Variants in NBAS observed in about 807,000 individuals in gnomAD.
The protein encoded by NBAS is NAG/BC035112 fusion.
In NBAS, 219 loss-of-function variants were observed where a neutral mutation model predicts 302.5. That is an observed-to-expected ratio of 0.72 (90% CI 0.65 to 0.81). NBAS has a LOEUF of 0.81. NBAS is among the 30% of genes least tolerant of loss of function. The pLI, the probability that NBAS is intolerant of heterozygous loss-of-function variation, is 0.00. For missense variants in NBAS, 2,932 were observed against 2,841.6 expected (o/e 1.03, Z -0.72); for synonymous variants, 1,118 against 1,021.6 (o/e 1.09, Z -1.80).
Position 15,468,380 on chromosome 2 carries a change from A to G in NBAS, c.1877+2T>C, listed in dbSNP as rs1454879222. ...TTGAATCCAATTCTTTCTGTAACCA[A>G]CCTGCCATCATCTGCTCCTTTCCCT... On this transcript the variant is annotated splice_donor_variant, in intron 17 of 51. Transcript: ENST00000281513. LOFTEE classifies it high-confidence loss of function. The G allele has an allele frequency of 2.5e-6, 4 of 1,613,960 alleles. No individual in the cohort carries two copies. Among genetic ancestry groups the G allele is most frequent in the Admixed American group, 1.7e-5 (1 of 59,994 alleles).
rs117415191 is a variant in NBAS, at chr2:15,174,632, T to G, written c.6840+4356A>C. ...AGAGCTAATATTATATGCCTCAAGG[T>G]GCTTTCAACAACTTCATTCCTCTGT... On this transcript the variant is annotated intron_variant, in intron 51 of 51. Transcript: ENST00000281513. 2.8e-3 allele frequency among the ~76,000 whole-genome samples: 430 copies of G among 152,302 alleles called. 8 individuals carry two copies. The East Asian group carries it at 0.049, about 17-fold the overall frequency.
At chr2:15,220,156 G>A (rs1430580893) in intron 47 of NBAS, among the ~76,000 whole-genome samples, 2 of 141,416 alleles carry the variant, frequency 1.4e-5, no homozygotes, top group South Asian at 2.3e-4. Flanking sequence ...CCTCCCGGAC[G>A]GGGCGGCTGG....
intron 48 of NBAS, among the ~76,000 whole-genome samples, chr2:15,196,622 T>TA (rs1363750957): frequency 6.6e-6 from 1 of 152,042 alleles, no homozygotes; most frequent in Non-Finnish European, 1.5e-5. Flanking sequence ...TAAAGATGAA[T>TA]AAGCAGAATA....
At chr2:15,454,687 A>T (rs1679169232) in intron 21 of NBAS, among the ~76,000 whole-genome samples, 1 of 152,112 alleles carries the variant, frequency 6.6e-6, no homozygotes, top group Non-Finnish European at 1.5e-5. Context: ...TCAGTTCACC[A>T]AGTGTGTGAG....
intron 22 of NBAS, 90 bp from the exon 23 acceptor site, chr2:15,424,558 G>A (rs1677373381): frequency 1.4e-6 from 2 of 1,396,016 alleles, no homozygotes; most frequent in Non-Finnish European, 2.0e-6. Context: ...CAGAGATGGG[G>A]AGAAAGTAAG....
chr2:15,248,961 G>T (rs1373513078), intron 44 of NBAS, among the ~76,000 whole-genome samples: 2 of 152,060 alleles, frequency 1.3e-5, no homozygotes, highest in African/African-American at 4.8e-5. Flanking sequence ...ATTTTATGAG[G>T]TCAGCATCAT....
At chr2:15,029,439 CA>C in the NBAS span, among the ~76,000 whole-genome samples, 2 of 151,974 alleles carry the variant, frequency 1.3e-5, no homozygotes, top group African/African-American at 4.8e-5. Context: ...TTGTTAGTAA[CA>C]AAAGAAAAGA....
the NBAS span, among the ~76,000 whole-genome samples, chr2:15,144,418 T>G: frequency 1.3e-5 from 2 of 152,210 alleles, no homozygotes. Context: ...CCTGAAAGAA[T>G]GACTTTTATG....
At chr2:15,062,488 TAAATGTTTAG>T in the NBAS span, among the ~76,000 whole-genome samples, 1 of 152,156 alleles carries the variant, frequency 6.6e-6, no homozygotes, top group Non-Finnish European at 1.5e-5. Flanking sequence ...GAAATCCAAA[TAAATGTTTAG>T]AAATGCTCGA....
At chr2:15,535,439 A>C (rs907640589) in intron 8 of NBAS, among the ~76,000 whole-genome samples, 4 of 151,880 alleles carry the variant, frequency 2.6e-5, no homozygotes, top group African/African-American at 7.3e-5. Flanking sequence ...GGAGAATGGC[A>C]TGAACCCGGG....
At chr2:15,436,284 C>T (rs1031319573) in intron 21 of NBAS, among the ~76,000 whole-genome samples, 2 of 152,198 alleles carry the variant, frequency 1.3e-5, no homozygotes, top group African/African-American at 4.8e-5. Context: ...ACCCTTTCTG[C>T]ATTTATCTCA....
the NBAS span, among the ~76,000 whole-genome samples, chr2:14,807,604 T>C: frequency 6.6e-6 from 1 of 152,176 alleles, no homozygotes; most frequent in Non-Finnish European, 1.5e-5. Context: ...ATCTACAGAT[T>C]TTTTTACATG....
At chr2:15,538,037 C>A (rs1227719377) in intron 7 of NBAS, among the ~76,000 whole-genome samples, 1 of 152,050 alleles carries the variant, frequency 6.6e-6, no homozygotes, top group Non-Finnish European at 1.5e-5. Context: ...AATTTAAAAT[C>A]AAAGAAAGAG....
chr2:15,061,217 C>T, the NBAS span, among the ~76,000 whole-genome samples: 3,427 of 152,262 alleles, frequency 0.023, 51 homozygotes, highest in Middle Eastern at 0.044. Flanking sequence ...TGCACACACA[C>T]ATACATTCGG....
the NBAS span, among the ~76,000 whole-genome samples, chr2:14,957,278 C>CGTGT: frequency 8.6e-3 from 1,271 of 147,562 alleles, 15 homozygotes; most frequent in African/African-American, 0.024. Context: ...TATACATATA[C>CGTGT]GTGTGTGTGT....
chr2:15,040,848 C>T, the NBAS span, among the ~76,000 whole-genome samples: 1 of 152,236 alleles, frequency 6.6e-6, no homozygotes, highest in Non-Finnish European at 1.5e-5. Context: ...AAGGCCCCAT[C>T]GTACATTGCC....
chr2:15,467,858 G>A, intron 17 of NBAS, 54 bp from the exon 18 acceptor site: 1 of 1,391,236 alleles, frequency 7.2e-7, no homozygotes, highest in Non-Finnish European at 1.0e-6. Flanking sequence ...ACTTCGTGTT[G>A]TGAAAAGCTT....
intron 35 of NBAS, among the ~76,000 whole-genome samples, chr2:15,343,881 ATTT>A (rs913208425): frequency 7.9e-5 from 12 of 151,614 alleles, no homozygotes; most frequent in African/African-American, 2.9e-4. Context: ...AACATTAAAC[ATTT>A]TTTGTACCTC....
the NBAS span, among the ~76,000 whole-genome samples, chr2:15,029,404 G>C: frequency 6.6e-6 from 1 of 152,118 alleles, no homozygotes; most frequent in African/African-American, 2.4e-5. Context: ...GTTCACCACT[G>C]TTACACTGAC....
Sources: allele counts gnomAD v4.1 joint callset (sites outside exome capture counted in the v4.1 genomes callset), GRCh38; gene constraint gnomAD v4.1.1; transcripts MANE v1.5; gene names NCBI Gene and HGNC (gene_info 2026-07-23, HGNC 2026-07-21).